The following NEK6 variants were observed in gnomAD, a reference collection of about 807,000 sequenced individuals.
The protein encoded by NEK6 is serine/threonine-protein kinase Nek6.
A neutral mutation model predicts 43.5 loss-of-function variants in NEK6; 27 were observed. The ratio of observed to expected loss-of-function variants is 0.62; its 90% CI spans 0.46 to 0.86. The LOEUF (loss-of-function observed/expected upper bound fraction) is 0.86, where lower values mean the gene tolerates loss of function less well. Ranked by LOEUF, NEK6 falls within the 40% of genes least tolerant of loss-of-function variation. The pLI, the probability that NEK6 is intolerant of heterozygous loss-of-function variation, is 0.00. For synonymous variants in NEK6, 167 were observed against 164.1 expected (o/e 1.02, Z -0.14); for missense variants, 318 against 414.4 (o/e 0.77, Z 2.02).
At chr9:124,279,817 C>A (rs887683608) in intron 1 of NEK6, among the ~76,000 whole-genome samples, 1 of 152,238 alleles carries the variant, frequency 6.6e-6, no homozygotes, top group African/African-American at 2.4e-5. Context: ...TCTGAAATGA[C>A]CATGTCTGTT....
In NEK6 at chr9:124,320,350, GGAATGAAT is replaced by G. The variant is rs1275986312; in HGVS notation, c.295-1096_295-1089del. Reference sequence around the variant, plus strand: ...GCCCACACATGGGGGGCTGGCTTGGGGAATGAATGAATGAATGAATAGGGGCTTGCATG... The same window carrying G: ...GCCCACACATGGGGGGCTGGCTTGGGGAATGAATGAATAGGGGCTTGCATG... On this transcript the variant is annotated intron_variant, in intron 4 of 9. Coordinates refer to ENST00000320246, the MANE Select transcript of NEK6 (RefSeq NM_014397.6). Among the ~76,000 whole-genome samples the G allele has an allele frequency of 2.0e-5, 3 of 152,212 alleles. No individual in the cohort carries two copies. The East Asian group carries it at 5.8e-4, about 29-fold the overall frequency.
chr9:124,264,694 T>A (rs1332433150), intron 1 of NEK6, among the ~76,000 whole-genome samples: 2 of 151,598 alleles, frequency 1.3e-5, no homozygotes, highest in African/African-American at 4.9e-5. Flanking sequence ...TAATCCCAGC[T>A]ACTCGGGAGC....
chr9:124,317,225 A>G (rs777574417), intron 4 of NEK6, among the ~76,000 whole-genome samples: 9 of 152,182 alleles, frequency 5.9e-5, no homozygotes, highest in Non-Finnish European at 1.0e-4. Flanking sequence ...CCTTTTCAAC[A>G]CAAAATCTGG....
At chr9:124,349,472 G>C (rs936196604) in intron 9 of NEK6, among the ~76,000 whole-genome samples, 1 of 152,144 alleles carries the variant, frequency 6.6e-6, no homozygotes, top group Non-Finnish European at 1.5e-5. Flanking sequence ...TCCTGGCCAC[G>C]AGCCCCCACT....
upstream of NEK6, chr9:124,257,689 C>A (rs1257165638): frequency 6.5e-7 from 1 of 1,533,202 alleles, no homozygotes; most frequent in South Asian, 1.2e-5. Flanking sequence ...AGTCTAGAGC[C>A]GGAGAAGATG....
At chr9:124,306,244 C>T (rs1001895351) in intron 2 of NEK6, among the ~76,000 whole-genome samples, 2 of 152,022 alleles carry the variant, frequency 1.3e-5, no homozygotes, top group Non-Finnish European at 2.9e-5. Context: ...TTTGTGGTTT[C>T]GCCCTTTATG....
At chr9:124,292,299 C>T in intron 1 of NEK6, 3 of 1,366,628 alleles carry the variant, frequency 2.2e-6, no homozygotes, top group Middle Eastern at 2.1e-4. Flanking sequence ...AGGACCTTTG[C>T]CACTAGCCTG....
intron 4 of NEK6, among the ~76,000 whole-genome samples, chr9:124,318,190 T>C (rs1337526006): frequency 6.6e-6 from 1 of 152,208 alleles, no homozygotes; most frequent in Non-Finnish European, 1.5e-5. Flanking sequence ...ACATCTGTTA[T>C]TTTTTGACTT....
At chr9:124,292,985 G>A in intron 1 of NEK6, 1 of 1,576,838 alleles carries the variant, frequency 6.3e-7, no homozygotes, top group Non-Finnish European at 8.6e-7. Flanking sequence ...ATTTCCGGCA[G>A]GAGGAGCAGA....
intron 1 of NEK6, among the ~76,000 whole-genome samples, chr9:124,281,487 C>CTTTTTTTTTTTTTTTTT (rs759381068): frequency 2.9e-5 from 3 of 102,966 alleles, no homozygotes; most frequent in African/African-American, 7.8e-5. Context: ...GCTGTTTTTT[C>CTTTTTTTTTTTTTTTTT]TTTTTTTTTT....
intron 1 of NEK6, chr9:124,292,006 T>TGGA (rs1432454504): frequency 1.0e-6 from 1 of 989,458 alleles, no homozygotes; most frequent in African/African-American, 1.7e-5. Context: ...CCCAGCTCCC[T>TGGA]GGAGGCCCAG....
At position 124,312,503 on chromosome 9, in the gene NEK6, T is replaced by C. The variant is rs1261084099; in HGVS notation, c.91-6T>C. 2.2e-5 allele frequency: 36 copies of C among 1,612,112 alleles called. No individual in the cohort carries two copies. Among genetic ancestry groups the C allele is most frequent in the Non-Finnish European group, 3.1e-5 (36 of 1,179,250 alleles). ...GCTCACGGAGGCCCTCTGTCCCCCG[T>C]TCCAGAGGCATCCCAACACGCTGTC... On this transcript the variant is annotated splice_region_variant and splice_polypyrimidine_tract_variant and intron_variant, in intron 2 of 9. Transcript: ENST00000320246.
At chr9:124,293,219 T>C (rs923802318) in intron 1 of NEK6, among the ~76,000 whole-genome samples, 2 of 152,246 alleles carry the variant, frequency 1.3e-5, no homozygotes, top group African/African-American at 4.8e-5. Context: ...ATCAGCTGCA[T>C]GAGCTCGACA....
At chr9:124,316,920 C>G (rs1833844201) in intron 4 of NEK6, among the ~76,000 whole-genome samples, 1 of 152,230 alleles carries the variant, frequency 6.6e-6, no homozygotes, top group Admixed American at 6.5e-5. Context: ...GAAACTGTGT[C>G]ATGCCTGGAC....
At chr9:124,258,109 G>C (rs1830879786) in intron 1 of NEK6, 24 bp downstream of exon 1, 3 of 979,096 alleles carry the variant, frequency 3.1e-6, no homozygotes, top group African/African-American at 3.5e-5. Flanking sequence ...GGCTGGGGCC[G>C]GGCCGGTGGG....
chr9:124,268,974 G>A (rs1415409946), intron 1 of NEK6, among the ~76,000 whole-genome samples: 1 of 152,188 alleles, frequency 6.6e-6, no homozygotes, highest in Non-Finnish European at 1.5e-5. Flanking sequence ...GGCAGATGCG[G>A]GAAGGAGGGA....
chr9:124,290,994 T>G (rs1270869167), intron 1 of NEK6, among the ~76,000 whole-genome samples: 2 of 152,206 alleles, frequency 1.3e-5, no homozygotes, highest in Non-Finnish European at 2.9e-5. Context: ...CCTCATCCTC[T>G]GATCCTGGAT....
intron 4 of NEK6, among the ~76,000 whole-genome samples, chr9:124,318,014 A>G (rs1249216028): frequency 6.6e-6 from 1 of 152,200 alleles, no homozygotes; most frequent in Non-Finnish European, 1.5e-5. Context: ...TGGTAGAACC[A>G]TTTATATTCC....
Position 124,339,552 on chromosome 9 carries a change from GCCCC to G in NEK6, c.623-18_623-15del, listed in dbSNP as rs749751959. 5.0e-6 allele frequency: 8 copies of G among 1,590,916 alleles called. No homozygotes were observed. Among genetic ancestry groups the G allele is most frequent in the Non-Finnish European group, 6.9e-6 (8 of 1,159,040 alleles). ...CCCTACATGGAGCATAAGCAGCCCC[GCCCC>G]TTGCTGTGTTGCAGTGGGGACGCCC... On this transcript the variant is annotated splice_polypyrimidine_tract_variant and intron_variant, in intron 7 of 9. Transcript: ENST00000320246.
Sources: gnomAD v4.1 joint callset for allele counts (sites outside exome capture counted in the v4.1 genomes callset) on GRCh38, gnomAD v4.1.1 for gene constraint, MANE v1.5 for transcripts, NCBI Gene and HGNC (gene_info 2026-07-23, HGNC 2026-07-21) for gene names.